Variants in RSRC1 observed in about 807,000 individuals in gnomAD.
RSRC1 encodes the protein arginine and serine rich coiled-coil 1.
In RSRC1, 39 loss-of-function variants were observed where a neutral mutation model predicts 49.1. The ratio of observed to expected loss-of-function variants is 0.79; its 90% CI spans 0.61 to 1.04. The LOEUF is 1.04. Among genes scored for constraint, RSRC1 ranks in the 50% least tolerant of loss-of-function variants. The pLI, the probability that RSRC1 is intolerant of heterozygous loss-of-function variation, is 0.00. For synonymous variants in RSRC1, 143 were observed against 130.8 expected, an observed-to-expected ratio of 1.09 and a Z score of -0.63; for missense variants, 388 against 402.4, an observed-to-expected ratio of 0.96 and a Z score of 0.31.
chr3:158,483,983 A>G (rs1362184847), intron 7 of RSRC1, among the ~76,000 whole-genome samples: 2 of 152,094 alleles, frequency 1.3e-5, no homozygotes, highest in Non-Finnish European at 2.9e-5. Flanking sequence ...GTCTCACTGA[A>G]ATCTGTGCGG....
At chr3:158,323,110 T>C (rs1728856962) in intron 5 of RSRC1, among the ~76,000 whole-genome samples, 1 of 152,152 alleles carries the variant, frequency 6.6e-6, no homozygotes, top group Non-Finnish European at 1.5e-5. Flanking sequence ...GTAGGTAATA[T>C]GTTATTGTGA....
chr3:158,255,206 T>C (rs1174180107), intron 4 of RSRC1, among the ~76,000 whole-genome samples: 2 of 152,226 alleles, frequency 1.3e-5, no homozygotes, highest in African/African-American at 2.4e-5. Context: ...AGGTCTACCA[T>C]TTAAGTCTTC....
chr3:158,325,191 C>G (rs182397523), intron 5 of RSRC1, among the ~76,000 whole-genome samples: 3 of 152,008 alleles, frequency 2.0e-5, no homozygotes, highest in African/African-American at 7.2e-5. Context: ...CTGTTCACTT[C>G]GATGGTAGTT....
chr3:158,361,277 TC>T (rs1731455210), intron 6 of RSRC1, among the ~76,000 whole-genome samples: 1 of 152,088 alleles, frequency 6.6e-6, no homozygotes, highest in African/African-American at 2.4e-5. Flanking sequence ...GCTGGCCAGG[TC>T]CTCGAATTGG....
At chr3:158,118,463 G>GTGCGCGCA (rs66543312) in intron 1 of RSRC1, among the ~76,000 whole-genome samples, 1 of 42,224 alleles carries the variant, frequency 2.4e-5, no homozygotes, top group East Asian at 1.1e-3. Context: ...GTGTGTGTGT[G>GTGCGCGCA]CGCGTGCGCG....
intron 6 of RSRC1, among the ~76,000 whole-genome samples, chr3:158,382,938 A>ATGG (rs2108283100): frequency 6.6e-6 from 1 of 152,310 alleles, no homozygotes; most frequent in African/African-American, 2.4e-5. Flanking sequence ...CATTTGTTAA[A>ATGG]TAATTCTTCC....
intron 7 of RSRC1, among the ~76,000 whole-genome samples, chr3:158,471,669 T>G (rs144989890): frequency 6.6e-6 from 1 of 152,318 alleles, no homozygotes. Context: ...ATACTGATGG[T>G]GAATTCACAG....
intron 4 of RSRC1, among the ~76,000 whole-genome samples, chr3:158,285,378 C>G (rs997339095): frequency 6.6e-6 from 1 of 152,172 alleles, no homozygotes; most frequent in African/African-American, 2.4e-5. Context: ...GCAATGCGGG[C>G]TCTTTTTTGG....
chr3:158,500,674 G>C (rs1163161117), intron 7 of RSRC1, among the ~76,000 whole-genome samples: 1 of 152,068 alleles, frequency 6.6e-6, no homozygotes, highest in Non-Finnish European at 1.5e-5. Flanking sequence ...AGCCTTGAAT[G>C]ATCTACAAAA....
intron 5 of RSRC1, among the ~76,000 whole-genome samples, chr3:158,322,434 C>T (rs1214067193): frequency 1.3e-5 from 2 of 152,136 alleles, no homozygotes; most frequent in Non-Finnish European, 2.9e-5. Context: ...TTCCAGTTGC[C>T]ATCTGGTCTG....
chr3:158,177,723 C>G (rs373985483), intron 3 of RSRC1, among the ~76,000 whole-genome samples: 6 of 152,252 alleles, frequency 3.9e-5, no homozygotes, highest in Admixed American at 1.3e-4. Flanking sequence ...AGAAAACCAA[C>G]ATGGCACATG....
At chr3:158,331,104 C>T (rs1729518548) in intron 5 of RSRC1, among the ~76,000 whole-genome samples, 1 of 152,094 alleles carries the variant, frequency 6.6e-6, no homozygotes, top group Non-Finnish European at 1.5e-5. Flanking sequence ...CAGTTACCTC[C>T]CACTGGGTCC....
intron 4 of RSRC1, among the ~76,000 whole-genome samples, chr3:158,219,966 A>G (rs1403973295): frequency 1.3e-5 from 2 of 151,628 alleles, no homozygotes; most frequent in African/African-American, 2.4e-5. Context: ...AGAAATGGGT[A>G]TAGCACAGTG....
In RSRC1 at chr3:158,203,027, A is replaced by G. The variant is rs756507154; in HGVS notation, c.321-45A>G. 4.1e-6 allele frequency: 6 copies of G among 1,471,840 alleles called. No individual in the cohort carries two copies. In the Admixed American group the frequency reaches 1.1e-4, roughly 28 times the overall value. 91.2% of individuals were successfully genotyped at this position (1,471,840 alleles called of 1,614,324 possible). A position where few individuals can be genotyped will look rare whatever the true frequency, so the allele number is the denominator to read the frequency against. On this transcript the variant is annotated intron_variant, in intron 3 of 9. Coordinates refer to ENST00000611884, the MANE Select transcript of RSRC1 (RefSeq NM_001271838.2). ...TAAAAGAGTATTTACTTTTCACGAT[A>G]CAAATTATACACTAAGTTTATTTAA... is the stretch of plus-strand genomic sequence containing the variant.
At chr3:158,519,810 C>G (rs1711558356) in intron 7 of RSRC1, among the ~76,000 whole-genome samples, 1 of 151,920 alleles carries the variant, frequency 6.6e-6, no homozygotes, top group Non-Finnish European at 1.5e-5. Context: ...GGTCACCAGC[C>G]TACAAATGGT....
chr3:158,530,529 CTCAT>C (rs1712322753), intron 7 of RSRC1, among the ~76,000 whole-genome samples: 1 of 151,796 alleles, frequency 6.6e-6, no homozygotes, highest in Admixed American at 6.6e-5. Flanking sequence ...GGAAGAAACT[CTCAT>C]TCATTTCCAA....
intron 7 of RSRC1, among the ~76,000 whole-genome samples, chr3:158,487,509 T>A (rs1416393866): frequency 6.6e-6 from 1 of 152,190 alleles, no homozygotes; most frequent in Non-Finnish European, 1.5e-5. Flanking sequence ...ATGAACTTGG[T>A]TGTTATTCCT....
chr3:158,512,690 G>C (rs1157772797), intron 7 of RSRC1, among the ~76,000 whole-genome samples: 1 of 149,692 alleles, frequency 6.7e-6, no homozygotes, highest in Non-Finnish European at 1.5e-5. Context: ...CATTGAATCT[G>C]TAAATTACCT....
intron 4 of RSRC1, among the ~76,000 whole-genome samples, chr3:158,259,611 T>G (rs1298107328): frequency 6.6e-6 from 1 of 152,162 alleles, no homozygotes; most frequent in African/African-American, 2.4e-5. Flanking sequence ...GTCCAGTGGC[T>G]CTACAATCCA....
Sources: allele counts gnomAD v4.1 joint callset (sites outside exome capture counted in the v4.1 genomes callset), GRCh38; gene constraint gnomAD v4.1.1; transcripts MANE v1.5; gene names NCBI Gene and HGNC (gene_info 2026-07-23, HGNC 2026-07-21).